The following EYA1 variants were observed in gnomAD, a reference collection of about 807,000 sequenced individuals.
EYA1 encodes protein phosphatase EYA1.
EYA1 carries 16 observed loss-of-function variants against 82.0 expected under a neutral mutation model. That is an observed-to-expected ratio of 0.20 (90% CI 0.13 to 0.30). The LOEUF (loss-of-function observed/expected upper bound fraction) is 0.30, where lower values mean the gene tolerates loss of function less well. EYA1 is among the 10% of genes least tolerant of loss of function. The probability of loss-of-function intolerance (pLI) is 1.00; values close to 1 mark genes in which losing one functional copy is unlikely to be tolerated. For missense variants in EYA1, 633 were observed against 730.7 expected (o/e 0.87, Z 1.54); for synonymous variants, 261 against 264.4 (o/e 0.99, Z 0.12).
intron 2 of EYA1, among the ~76,000 whole-genome samples, chr8:71,513,870 T>C (rs575419274): frequency 6.6e-6 from 1 of 152,240 alleles, no homozygotes; most frequent in South Asian, 2.1e-4. Context: ...GCCTGGCTTT[T>C]TTCACTTAAC....
At chr8:71,519,624 A>G (rs1230519172) in intron 2 of EYA1, among the ~76,000 whole-genome samples, 1 of 151,696 alleles carries the variant, frequency 6.6e-6, no homozygotes, top group Non-Finnish European at 1.5e-5. Context: ...TCTAAATTAG[A>G]GCAAGCAATT....
chr8:71,456,039 G>T (rs112843385), intron 2 of EYA1, among the ~76,000 whole-genome samples: 9,383 of 152,232 alleles, frequency 0.062, 998 homozygotes, highest in African/African-American at 0.21. Context: ...TCTTTAAGCT[G>T]ATAAGCAACT....
At chr8:71,234,986 A>C (rs925190443) in intron 12 of EYA1, among the ~76,000 whole-genome samples, 5 of 152,148 alleles carry the variant, frequency 3.3e-5, no homozygotes, top group Non-Finnish European at 7.3e-5. Context: ...CCTAGTGCTC[A>C]TCCTTGATTC....
intron 4 of EYA1, among the ~76,000 whole-genome samples, chr8:71,328,495 C>T (rs372176932): frequency 6.6e-6 from 1 of 152,194 alleles, no homozygotes; most frequent in South Asian, 2.1e-4. Context: ...TCTCCACCAC[C>T]TACCCCTTCA....
chr8:71,469,673 T>G (rs1006162942), intron 2 of EYA1, among the ~76,000 whole-genome samples: 1 of 152,096 alleles, frequency 6.6e-6, no homozygotes. Flanking sequence ...GAATGCCCAT[T>G]AGGTGCATCC....
intron 17 of EYA1, among the ~76,000 whole-genome samples, chr8:71,202,442 A>C (rs951003929): frequency 1.3e-5 from 2 of 152,206 alleles, no homozygotes; most frequent in East Asian, 3.8e-4. Flanking sequence ...ATAATCTGCA[A>C]ACAACCCTAA....
Position 71,335,804 on chromosome 8 carries a change from C to T in EYA1, c.125-1630G>A, listed in dbSNP as rs73684751. On this transcript the variant is annotated intron_variant, in intron 3 of 17. Coordinates refer to ENST00000340726, the MANE Select transcript of EYA1 (RefSeq NM_000503.6). The stretch of plus-strand genomic sequence containing the variant: ...CATACCTTACCTCCTTAAAAACACA[C>T]ACACACACACACAAAACCTAATATA... Among the ~76,000 whole-genome samples, 764 of 152,188 alleles carry T rather than the reference C, an allele frequency of 5.0e-3. 5 individuals carry two copies. Among genetic ancestry groups the T allele is most frequent in the African/African-American group, 0.017 (712 of 41,526 alleles).
chr8:71,221,353 G>C (rs889758058), intron 12 of EYA1, among the ~76,000 whole-genome samples: 2 of 152,100 alleles, frequency 1.3e-5, no homozygotes, highest in African/African-American at 4.8e-5. Context: ...AACCCCGGGG[G>C]CTTAGTGACC....
At chr8:71,430,067 C>G (rs1375483843) in intron 2 of EYA1, among the ~76,000 whole-genome samples, 1 of 152,096 alleles carries the variant, frequency 6.6e-6, no homozygotes, top group Non-Finnish European at 1.5e-5. Context: ...GTTAGTATAG[C>G]CAGAGCCACT....
intron 17 of EYA1, among the ~76,000 whole-genome samples, chr8:71,208,519 A>C (rs1439411969): frequency 2.0e-5 from 3 of 152,184 alleles, no homozygotes; most frequent in Non-Finnish European, 2.9e-5. Flanking sequence ...ATTACATCAG[A>C]AATACATAAA....
intron 2 of EYA1, among the ~76,000 whole-genome samples, chr8:71,434,143 T>C (rs1429412856): frequency 1.6e-4 from 25 of 152,236 alleles, no homozygotes; most frequent in Admixed American, 1.6e-3. Context: ...AAGGATGAAG[T>C]TATTACTAAA....
intron 3 of EYA1, among the ~76,000 whole-genome samples, chr8:71,347,977 G>T (rs967238631): frequency 6.6e-6 from 1 of 151,490 alleles, no homozygotes. Context: ...TAAATTGTGG[G>T]TCCTAAACGT....
intron 2 of EYA1, among the ~76,000 whole-genome samples, chr8:71,448,025 T>TTTTTTTAGGTAACGGAG (rs935912194): frequency 1.7e-5 from 2 of 116,736 alleles, no homozygotes; most frequent in East Asian, 3.3e-4. Flanking sequence ...TTTTTTTTTT[T>TTTTTTTAGGTAACGGAG]TCTCGCTCCG....
intron 11 of EYA1, among the ~76,000 whole-genome samples, chr8:71,251,702 T>G (rs2128917134): frequency 6.6e-6 from 1 of 152,298 alleles, no homozygotes; most frequent in Admixed American, 6.5e-5. Flanking sequence ...TGGTCTTTAA[T>G]TATCCCATTG....
chr8:71,399,335 G>A (rs954532636), intron 2 of EYA1, among the ~76,000 whole-genome samples: 5 of 152,268 alleles, frequency 3.3e-5, no homozygotes, highest in Middle Eastern at 3.4e-3. Context: ...TTGGAAATGC[G>A]GAAATCACCC....
intron 2 of EYA1, among the ~76,000 whole-genome samples, chr8:71,369,708 A>G (rs563191758): frequency 1.3e-5 from 2 of 152,230 alleles, no homozygotes; most frequent in South Asian, 2.1e-4. Flanking sequence ...GAATGTTATT[A>G]AATTAATTAA....
intron 2 of EYA1, among the ~76,000 whole-genome samples, chr8:71,439,085 C>T (rs925720636): frequency 1.3e-5 from 2 of 152,042 alleles, no homozygotes; most frequent in Non-Finnish European, 2.9e-5. Flanking sequence ...ATATGGGGGG[C>T]CCTATTCAGT....
intron 2 of EYA1, among the ~76,000 whole-genome samples, chr8:71,450,671 G>C (rs1260626750): frequency 1.3e-5 from 2 of 152,300 alleles, no homozygotes; most frequent in South Asian, 4.1e-4. Context: ...CTTGAGGCAG[G>C]CTTGCCACAA....
chr8:71,358,512 C>T (rs1827102192), intron 1 of EYA1, among the ~76,000 whole-genome samples: 1 of 152,224 alleles, frequency 6.6e-6, no homozygotes, highest in African/African-American at 2.4e-5. Flanking sequence ...AACTTTAAAA[C>T]AACTAATCCT....
Sources: allele counts gnomAD v4.1 joint callset (sites outside exome capture counted in the v4.1 genomes callset), GRCh38; gene constraint gnomAD v4.1.1; transcripts MANE v1.5; gene names NCBI Gene and HGNC (gene_info 2026-07-23, HGNC 2026-07-21).